CNTNAP2: variants seen among roughly 807,000 people sequenced by gnomAD.
CNTNAP2 encodes contactin associated protein 2, also known as contactin-associated protein-like 2.
A neutral mutation model predicts 155.2 loss-of-function variants in CNTNAP2; 98 were observed. The observed-to-expected ratio is 0.63, with a 90% CI of 0.54 to 0.75. CNTNAP2 has a LOEUF of 0.75. Among genes scored for constraint, CNTNAP2 ranks in the 30% least tolerant of loss-of-function variants. CNTNAP2 has a pLI of 0.00. For missense variants in CNTNAP2, 1,727 were observed against 1,688.1 expected (o/e 1.02, Z -0.40); for synonymous variants, 651 against 631.2 (o/e 1.03, Z -0.47).
intron 1 of CNTNAP2, among the ~76,000 whole-genome samples, chr7:146,509,271 T>C (rs1362469888): frequency 3.3e-5 from 5 of 152,340 alleles, no homozygotes; most frequent in East Asian, 1.9e-4. Context: ...CATTCAATTA[T>C]GGTGTGGTTG....
Position 147,531,394 on chromosome 7 carries a change from G to A in CNTNAP2, c.1778-30744G>A, listed in dbSNP as rs148757519. The stretch of plus-strand genomic sequence containing the variant: ...CAAATTTCTGCCTTAGCATCTAGGC[G>A]CTTCCATACATCCTCTGAAATCTAG... On this transcript the variant is annotated intron_variant, in intron 11 of 23. Transcript: ENST00000361727. Among the ~76,000 whole-genome samples the A allele has an allele frequency of 7.2e-5, 11 of 152,298 alleles. No homozygotes were observed. In the South Asian group the frequency reaches 1.0e-3, roughly 14 times the overall value.
chr7:146,580,346 G>A (rs941306862), intron 1 of CNTNAP2, among the ~76,000 whole-genome samples: 1 of 151,792 alleles, frequency 6.6e-6, no homozygotes, highest in Admixed American at 6.6e-5. Flanking sequence ...TGAAAGTAGG[G>A]CAGTGACCAC....
intron 15 of CNTNAP2, among the ~76,000 whole-genome samples, chr7:148,021,904 C>G (rs1313709785): frequency 2.0e-5 from 3 of 152,158 alleles, no homozygotes; most frequent in African/African-American, 4.8e-5. Flanking sequence ...TCCACCTTTC[C>G]CTTTTGTTTT....
At chr7:147,481,983 A>G (rs1798430120) in intron 10 of CNTNAP2, among the ~76,000 whole-genome samples, 1 of 152,176 alleles carries the variant, frequency 6.6e-6, no homozygotes, top group Non-Finnish European at 1.5e-5. Flanking sequence ...ACAGTAAAAG[A>G]GATATTTCTT....
intron 10 of CNTNAP2, among the ~76,000 whole-genome samples, chr7:147,398,449 A>G (rs1796857278): frequency 6.6e-6 from 1 of 151,924 alleles, no homozygotes; most frequent in Admixed American, 6.6e-5. Flanking sequence ...AAAAAATAAA[A>G]GAGCTACACA....
At chr7:146,644,693 C>CT (rs1208893718) in intron 1 of CNTNAP2, among the ~76,000 whole-genome samples, 2 of 152,108 alleles carry the variant, frequency 1.3e-5, no homozygotes, top group Non-Finnish European at 2.9e-5. Context: ...TCAGAGAATA[C>CT]TACAAACACC....
At chr7:146,280,316 G>GT (rs1455913156) in intron 1 of CNTNAP2, among the ~76,000 whole-genome samples, 1 of 152,190 alleles carries the variant, frequency 6.6e-6, no homozygotes, top group Non-Finnish European at 1.5e-5. Flanking sequence ...TGAGCCTTAA[G>GT]TGAAGTAGTT....
chr7:147,157,921 AG>A lies in CNTNAP2; in HGVS notation c.1348+25413del, dbSNP rs1801957295. On this transcript the variant is annotated intron_variant, in intron 8 of 23. Coordinates refer to ENST00000361727, the MANE Select transcript of CNTNAP2 (RefSeq NM_014141.6). Reference sequence around the variant, plus strand: ...TGTTTTTATTATCAGTAATTCAATTAGTAGGACATAGTGGGATATTTTATTG... The same window carrying A: ...TGTTTTTATTATCAGTAATTCAATTATAGGACATAGTGGGATATTTTATTG... Among the ~76,000 whole-genome samples, 8 of 152,120 alleles carry A rather than the reference AG, an allele frequency of 5.3e-5. No homozygotes were observed. The South Asian group carries it at 1.7e-3, about 31-fold the overall frequency.
intron 1 of CNTNAP2, among the ~76,000 whole-genome samples, chr7:146,639,469 C>G (rs990019448): frequency 1.3e-5 from 2 of 152,152 alleles, no homozygotes; most frequent in African/African-American, 4.8e-5. Flanking sequence ...TCTGATTATT[C>G]CCATTTTATG....
At chr7:146,617,628 C>A (rs1240258398) in intron 1 of CNTNAP2, among the ~76,000 whole-genome samples, 1 of 152,008 alleles carries the variant, frequency 6.6e-6, no homozygotes, top group Non-Finnish European at 1.5e-5. Context: ...CTAAAAGAAC[C>A]GTTTACGTTT....
chr7:146,326,258 A>C (rs1440873325), intron 1 of CNTNAP2, among the ~76,000 whole-genome samples: 1 of 142,276 alleles, frequency 7.0e-6, no homozygotes, highest in East Asian at 2.1e-4. Flanking sequence ...CAGTGGAAGG[A>C]CTGTTGCATT....
At chr7:148,354,852 C>T (rs1480734060) in intron 21 of CNTNAP2, among the ~76,000 whole-genome samples, 1 of 152,162 alleles carries the variant, frequency 6.6e-6, no homozygotes, top group East Asian at 1.9e-4. Flanking sequence ...GGGACAGACC[C>T]TAGCACACAC....
chr7:147,943,570 A>G (rs1015028394), intron 14 of CNTNAP2, among the ~76,000 whole-genome samples: 7 of 152,062 alleles, frequency 4.6e-5, no homozygotes, highest in Admixed American at 3.9e-4. Context: ...GGAGTTCAAG[A>G]CCAGCCTGGC....
chr7:146,502,908 A>G (rs375401612), intron 1 of CNTNAP2, among the ~76,000 whole-genome samples: 4 of 152,132 alleles, frequency 2.6e-5, no homozygotes, highest in African/African-American at 9.7e-5. Flanking sequence ...AGCCGCCTCA[A>G]ACTGCCATCA....
chr7:146,990,554 T>A (rs909680443), intron 3 of CNTNAP2, among the ~76,000 whole-genome samples: 1 of 152,046 alleles, frequency 6.6e-6, no homozygotes, highest in Non-Finnish European at 1.5e-5. Context: ...TGTGGCTGAT[T>A]TTTTTTTCTC....
chr7:146,931,350 G>A (rs1304226110), intron 3 of CNTNAP2, among the ~76,000 whole-genome samples: 1 of 150,284 alleles, frequency 6.7e-6, no homozygotes, highest in Non-Finnish European at 1.5e-5. Context: ...GGTACATAAC[G>A]AAATGAAGGC....
intron 18 of CNTNAP2, among the ~76,000 whole-genome samples, chr7:148,203,482 C>T (rs1169055868): frequency 1.3e-5 from 2 of 152,144 alleles, no homozygotes; most frequent in East Asian, 3.9e-4. Flanking sequence ...AGGTGGCTCA[C>T]ATCTGTAATC....
chr7:147,336,842 T>C (rs138413056), intron 9 of CNTNAP2, among the ~76,000 whole-genome samples: 4 of 152,060 alleles, frequency 2.6e-5, no homozygotes, highest in Non-Finnish European at 5.9e-5. Flanking sequence ...TCTCTAGAAC[T>C]CTATGGAAAA....
intron 4 of CNTNAP2, among the ~76,000 whole-genome samples, chr7:147,080,042 A>G (rs1056195511): frequency 1.1e-4 from 15 of 141,768 alleles, no homozygotes; most frequent in African/African-American, 3.2e-4. Flanking sequence ...TCTCTTATAT[A>G]CTAATTGGTT....
Sources: gnomAD v4.1 joint callset for allele counts (sites outside exome capture counted in the v4.1 genomes callset) on GRCh38, gnomAD v4.1.1 for gene constraint, MANE v1.5 for transcripts, NCBI Gene and HGNC (gene_info 2026-07-23, HGNC 2026-07-21) for gene names.